ALDH1L2: variants seen among roughly 807,000 people sequenced by gnomAD.
ALDH1L2 encodes mitochondrial 10-formyltetrahydrofolate dehydrogenase.
In ALDH1L2, 91 loss-of-function variants were observed where a neutral mutation model predicts 111.0. That is an observed-to-expected ratio of 0.82 (90% confidence interval 0.69 to 0.98). The LOEUF (loss-of-function observed/expected upper bound fraction) is 0.98, where lower values mean the gene tolerates loss of function less well. Among genes scored for constraint, ALDH1L2 ranks in the 50% least tolerant of loss-of-function variants. ALDH1L2 has a pLI of 0.00. For synonymous variants in ALDH1L2, 374 were observed against 392.6 expected, an observed-to-expected ratio of 0.95 and a Z score of 0.56; for missense variants, 995 against 1,126.8, an observed-to-expected ratio of 0.88 and a Z score of 1.67.
intron 1 of ALDH1L2, 165 bp from the exon 2 acceptor site, chr12:105,074,170 A>C: frequency 2.3e-6 from 2 of 875,806 alleles, no homozygotes; most frequent in South Asian, 1.9e-5. Flanking sequence ...TAAGAAACCT[A>C]CCCTTGGCCG....
intron 10 of ALDH1L2, among the ~76,000 whole-genome samples, chr12:105,056,176 C>A (rs2136082535): frequency 6.6e-6 from 1 of 151,928 alleles, no homozygotes; most frequent in Non-Finnish European, 1.5e-5. Context: ...AGAGAAGGAA[C>A]TCATCATACA....
In ALDH1L2 at chr12:105,022,852, G is replaced by A. The variant is rs988504802; in HGVS notation, c.*1572C>T. 6.6e-6 allele frequency: 1 copy of A among 152,124 alleles called. No homozygotes were observed. The highest frequency in any genetic ancestry group is 1.5e-5 in the Non-Finnish European group (1 of 68,032). The allele number at this position is 152,124 out of a possible 1,614,324, so 9.4% of individuals were successfully genotyped here. A position where few individuals can be genotyped will look rare whatever the true frequency, so the allele number is the denominator to read the frequency against. Reference sequence around the variant, plus strand: ...CAATCCCCTCATGTTATTCTGCCAAGTCTCCAAAATGACAAATATTCCCTA... The same window carrying A: ...CAATCCCCTCATGTTATTCTGCCAAATCTCCAAAATGACAAATATTCCCTA... On this transcript the variant is annotated 3_prime_UTR_variant, in exon 23 of 23. Coordinates refer to ENST00000258494, the MANE Select transcript of ALDH1L2 (RefSeq NM_001034173.4).
intron 11 of ALDH1L2, among the ~76,000 whole-genome samples, chr12:105,052,587 C>T (rs940587335): frequency 1.3e-5 from 2 of 152,104 alleles, no homozygotes; most frequent in African/African-American, 4.8e-5. Context: ...GTAAAGCTAC[C>T]TGTCTAAATT....
chr12:105,072,777 C>A (rs187725158), intron 2 of ALDH1L2, among the ~76,000 whole-genome samples: 1 of 152,152 alleles, frequency 6.6e-6, no homozygotes, highest in Non-Finnish European at 1.5e-5. Context: ...AGTTCAAGAC[C>A]AGCCTGGCCA....
Position 105,024,377 on chromosome 12 carries a change from A to G in ALDH1L2, c.*47T>C. On this transcript the variant is annotated 3_prime_UTR_variant, in exon 23 of 23. Transcript: ENST00000258494. ...ACCCAATCTTCTTAAGTGTGTCCAGAGTTGTAAAGGGCTGTCTGTCAAGGC... is the reference window on the plus strand; with the variant it reads ...ACCCAATCTTCTTAAGTGTGTCCAGGGTTGTAAAGGGCTGTCTGTCAAGGC... The G allele has an allele frequency of 2.5e-6, 4 of 1,603,004 alleles. No homozygotes were observed. In the South Asian group the frequency reaches 3.3e-5, roughly 13 times the overall value.
intron 11 of ALDH1L2, 139 bp from the exon 12 acceptor site, chr12:105,052,356 T>G: frequency 1.2e-6 from 1 of 856,568 alleles, no homozygotes; most frequent in Non-Finnish European, 1.6e-6. Flanking sequence ...TATCTAGTAC[T>G]ACAGTAAAGA....
Position 105,050,042 on chromosome 12 carries a change from C to T in ALDH1L2, c.1552G>A (p.Glu518Lys). ...GTTGCCAGCTCTTCTTGGTTCTCTTCCAGTAGGTCTGCAAGTCTGTGTGGT... is the reference window on the plus strand; with the variant it reads ...GTTGCCAGCTCTTCTTGGTTCTCTTTCAGTAGGTCTGCAAGTCTGTGTGGT... ...RLMYRLADLL[E>K]ENQEELATIE... Residue 518 changes from glutamate to lysine, a missense_variant, in exon 13 of 23, where the codon GAA (glutamate) becomes AAA (lysine). Glu to Lys is a moderately conservative substitution (Grantham distance 56, BLOSUM62 1). Coordinates refer to ENST00000258494, the MANE Select transcript of ALDH1L2 (RefSeq NM_001034173.4). The T allele has an allele frequency of 6.2e-7, 1 of 1,601,338 alleles. No homozygotes were observed. The highest frequency in any genetic ancestry group is 8.5e-7 in the Non-Finnish European group (1 of 1,174,432).
chr12:105,072,743 G>A (rs1055410854), intron 2 of ALDH1L2, among the ~76,000 whole-genome samples: 2 of 152,228 alleles, frequency 1.3e-5, no homozygotes, highest in Admixed American at 6.5e-5. Flanking sequence ...GGAGGCCAAG[G>A]TGGGCGGATC....
chr12:105,075,165 C>G (rs1299276745), intron 1 of ALDH1L2, among the ~76,000 whole-genome samples: 4 of 152,248 alleles, frequency 2.6e-5, no homozygotes, highest in African/African-American at 9.6e-5. Context: ...ATCTAAAATA[C>G]TACTTTTCAA....
At chr12:105,042,496 T>G (rs1050367907) in intron 15 of ALDH1L2, among the ~76,000 whole-genome samples, 1 of 152,242 alleles carries the variant, frequency 6.6e-6, no homozygotes, top group Non-Finnish European at 1.5e-5. Flanking sequence ...TTCCTCATTC[T>G]CTTCAATGGG....
chr12:105,066,581 T>G lies in ALDH1L2; in HGVS notation c.683A>C (p.Lys228Thr), dbSNP rs778253469. ...ATATATAAATACCTCAGCATTTTCCTTTTTCTGGATACCTTCATATGTTGC... is the reference window on the plus strand; with the variant it reads ...ATATATAAATACCTCAGCATTTTCCGTTTTCTGGATACCTTCATATGTTGC... Reference protein sequence around the residue: ...EGATYEGIQKKENAEISWDQS... With the variant: ...EGATYEGIQKTENAEISWDQS... The change falls in exon 5 of 23, where the codon AAG (lysine) becomes ACG (threonine). Residue 228 changes from lysine (K) to threonine (T), a missense_variant. Lys to Thr is a moderately conservative substitution (Grantham distance 78). Coordinates refer to ENST00000258494, the MANE Select transcript of ALDH1L2 (RefSeq NM_001034173.4). The G allele has an allele frequency of 6.2e-7, 1 of 1,613,770 alleles. No individual in the cohort carries two copies. Among genetic ancestry groups the G allele is most frequent in the East Asian group, 2.2e-5 (1 of 44,872 alleles).
At chr12:105,056,911 T>C (rs749495969) in intron 10 of ALDH1L2, among the ~76,000 whole-genome samples, 10 of 151,126 alleles carry the variant, frequency 6.6e-5, no homozygotes, top group Non-Finnish European at 1.2e-4. Flanking sequence ...AGAACATAGA[T>C]AAATTAGACT....
chr12:105,084,449 C>G lies in ALDH1L2; in HGVS notation c.-13G>C, dbSNP rs1878498253. The G allele has an allele frequency of 7.0e-7, 1 of 1,432,432 alleles. No individual in the cohort carries two copies. Among genetic ancestry groups the G allele is most frequent in the South Asian group, 1.4e-5 (1 of 70,726 alleles). 88.7% of individuals were successfully genotyped at this position (1,432,432 alleles called of 1,614,324 possible). On this transcript the variant is annotated 5_prime_UTR_variant, in exon 1 of 23. Transcript: ENST00000258494. Reference sequence around the variant, plus strand: ...CCCGCCGCAGCATGCTGGAGAGGAGCGCTAGCACTGGCGACGCGGCAGCGC... The same window carrying G: ...CCCGCCGCAGCATGCTGGAGAGGAGGGCTAGCACTGGCGACGCGGCAGCGC...
At chr12:105,040,149 A>AAG (rs1812969736) in intron 16 of ALDH1L2, among the ~76,000 whole-genome samples, 1 of 145,668 alleles carries the variant, frequency 6.9e-6, no homozygotes, top group Non-Finnish European at 1.5e-5. Context: ...AAAAAAAAAA[A>AAG]AAACCTTACT....
chr12:105,040,149 A>ATG (rs750151026), intron 16 of ALDH1L2, among the ~76,000 whole-genome samples: 1 of 145,668 alleles, frequency 6.9e-6, no homozygotes, highest in Non-Finnish European at 1.5e-5. Flanking sequence ...AAAAAAAAAA[A>ATG]AAACCTTACT....
intron 1 of ALDH1L2, among the ~76,000 whole-genome samples, chr12:105,080,389 A>AT (rs1438312492): frequency 5.9e-5 from 9 of 152,010 alleles, no homozygotes; most frequent in Non-Finnish European, 1.3e-4. Context: ...TTTATATTTC[A>AT]TTTTTGGTAT....
At chr12:105,046,222 T>TATATATATATATATATA (rs1565957152) in intron 15 of ALDH1L2, among the ~76,000 whole-genome samples, 1 of 26,780 alleles carries the variant, frequency 3.7e-5, no homozygotes, top group Non-Finnish European at 5.9e-5. Flanking sequence ...TATATATATA[T>TATATATATATATATATA]TTTTTTTTTT....
Position 105,073,889 on chromosome 12 carries a change from T to C in ALDH1L2, c.165A>G (p.Pro55=). The C allele has an allele frequency of 6.2e-7, 1 of 1,614,132 alleles. No individual in the cohort carries two copies. Among genetic ancestry groups the C allele is most frequent in the Non-Finnish European group, 8.5e-7 (1 of 1,180,018 alleles). The change falls in exon 2 of 23, where the codon CCA becomes CCG. Residue 55 remains proline, a synonymous_variant. Transcript: ENST00000258494. Reference sequence around the variant, plus strand: ...GAGGGTCAGCTTTTCCATCCTTGTCTGGAACTGTGAACACCCCTACTACTC... The same window carrying C: ...GAGGGTCAGCTTTTCCATCCTTGTCCGGAACTGTGAACACCCCTACTACTC... ...GHRVVGVFTV[P]DKDGKADPLA...
chr12:105,036,483 A>G (rs1437260084), intron 18 of ALDH1L2, among the ~76,000 whole-genome samples: 1 of 111,290 alleles, frequency 9.0e-6, no homozygotes, highest in African/African-American at 3.1e-5. Flanking sequence ...ACACACATAT[A>G]TACGTATATT....
Sources: gnomAD v4.1 joint callset for allele counts (sites outside exome capture counted in the v4.1 genomes callset) on GRCh38, gnomAD v4.1.1 for gene constraint, MANE v1.5 for transcripts, NCBI Gene and HGNC (gene_info 2026-07-23, HGNC 2026-07-21) for gene names.